ADAM22: variants seen among roughly 807,000 people sequenced by gnomAD.
The protein encoded by ADAM22 is ADAM metallopeptidase domain 22, also known as disintegrin and metalloproteinase domain-containing protein 22.
In ADAM22, 65 loss-of-function variants were observed where a neutral mutation model predicts 144.6. The observed-to-expected ratio is 0.45, with a 90% CI of 0.37 to 0.55. The LOEUF (loss-of-function observed/expected upper bound fraction) is 0.55, where lower values mean the gene tolerates loss of function less well. Among genes scored for constraint, ADAM22 ranks in the 20% least tolerant of loss-of-function variants. The probability of loss-of-function intolerance (pLI) is 0.00; values close to 1 mark genes in which losing one functional copy is unlikely to be tolerated. For synonymous variants in ADAM22, 391 were observed against 412.6 expected (o/e 0.95, Z 0.63); for missense variants, 974 against 1,184.9 (o/e 0.82, Z 2.61).
At chr7:88,181,450 C>T in intron 27 of ADAM22, 55 bp from the exon 28 acceptor site, 1 of 1,501,748 alleles carries the variant, frequency 6.7e-7, no homozygotes, top group Non-Finnish European at 9.2e-7. Context: ...TTACTGATCT[C>T]AAAACATTCA....
intron 7 of ADAM22, among the ~76,000 whole-genome samples, chr7:88,120,925 T>C (rs1003559504): frequency 5.3e-5 from 8 of 152,210 alleles, no homozygotes; most frequent in Non-Finnish European, 1.2e-4. Context: ...CCTCTTCAAA[T>C]TACTTTTTGT....
intron 26 of ADAM22, among the ~76,000 whole-genome samples, chr7:88,175,467 A>G (rs749254016): frequency 1.3e-5 from 2 of 152,224 alleles, no homozygotes; most frequent in African/African-American, 2.4e-5. Flanking sequence ...ATGAAATGCC[A>G]AAGTTGTACA....
intron 30 of ADAM22, among the ~76,000 whole-genome samples, chr7:88,188,401 C>T (rs1848834151): frequency 6.6e-6 from 1 of 152,060 alleles, no homozygotes; most frequent in African/African-American, 2.4e-5. Flanking sequence ...GCTTCAGCAC[C>T]CCTGATTGCA....
At chr7:88,073,810 C>T (rs144743501) in intron 3 of ADAM22, among the ~76,000 whole-genome samples, 192 of 152,290 alleles carry the variant, frequency 1.3e-3, no homozygotes, top group African/African-American at 4.3e-3. Flanking sequence ...AGATAGCAGT[C>T]GTCCCAAGCT....
At chr7:88,141,826 C>T (rs905498087) in intron 14 of ADAM22, among the ~76,000 whole-genome samples, 1 of 151,960 alleles carries the variant, frequency 6.6e-6, no homozygotes, top group South Asian at 2.1e-4. Context: ...GTTATGCTTT[C>T]GTTATATCCT....
chr7:88,115,080 T>C (rs1248967900), intron 6 of ADAM22, among the ~76,000 whole-genome samples: 16 of 151,786 alleles, frequency 1.1e-4, no homozygotes. Flanking sequence ...ACCCCGTCTC[T>C]ACTAAAATAC....
intron 3 of ADAM22, among the ~76,000 whole-genome samples, chr7:88,039,992 C>T (rs1263431195): frequency 6.6e-6 from 1 of 151,968 alleles, no homozygotes; most frequent in African/African-American, 2.4e-5. Flanking sequence ...CCACTCATCA[C>T]AGTTCAACCC....
chr7:88,190,348 AT>A (rs1849342528), intron 30 of ADAM22, among the ~76,000 whole-genome samples: 1 of 152,080 alleles, frequency 6.6e-6, no homozygotes. Flanking sequence ...CAGCCTGGCC[AT>A]CATGGTGAGA....
intron 4 of ADAM22, among the ~76,000 whole-genome samples, chr7:88,107,481 A>G (rs1420964559): frequency 6.6e-6 from 1 of 152,180 alleles, no homozygotes; most frequent in Non-Finnish European, 1.5e-5. Flanking sequence ...GATTAGAGGC[A>G]TGAGCCACTG....
chr7:88,066,865 G>A (rs149729768), intron 3 of ADAM22, among the ~76,000 whole-genome samples: 188 of 152,252 alleles, frequency 1.2e-3, no homozygotes, highest in African/African-American at 4.3e-3. Context: ...CATCAAGTAA[G>A]ATTAAGACTA....
chr7:87,935,861 T>A (rs1841127817), intron 2 of ADAM22, among the ~76,000 whole-genome samples: 1 of 152,228 alleles, frequency 6.6e-6, no homozygotes, highest in Non-Finnish European at 1.5e-5. Context: ...TGTATTTAAA[T>A]CAAGATCACA....
chr7:87,990,484 A>G (rs1267504297), intron 3 of ADAM22, among the ~76,000 whole-genome samples: 2 of 152,208 alleles, frequency 1.3e-5, no homozygotes, highest in African/African-American at 4.8e-5. Flanking sequence ...AATTATTAAG[A>G]TAACTCTACC....
intron 3 of ADAM22, among the ~76,000 whole-genome samples, chr7:88,072,023 T>G (rs886373600): frequency 6.6e-6 from 1 of 152,186 alleles, no homozygotes; most frequent in Non-Finnish European, 1.5e-5. Context: ...TTAACTTAGG[T>G]TCTAACTTGA....
intron 4 of ADAM22, among the ~76,000 whole-genome samples, chr7:88,082,626 C>T (rs181835511): frequency 9.9e-4 from 150 of 152,142 alleles, no homozygotes; most frequent in African/African-American, 3.4e-3. Flanking sequence ...ACAATGTACT[C>T]AAACAAATTT....
intron 7 of ADAM22, among the ~76,000 whole-genome samples, chr7:88,123,408 A>C (rs1220243641): frequency 6.6e-6 from 1 of 152,076 alleles, no homozygotes; most frequent in African/African-American, 2.4e-5. Flanking sequence ...TTAATTAAGA[A>C]TTAAAGTTAT....
intron 3 of ADAM22, among the ~76,000 whole-genome samples, chr7:88,073,955 A>C (rs756404960): frequency 2.0e-5 from 3 of 152,244 alleles, no homozygotes; most frequent in Non-Finnish European, 4.4e-5. Flanking sequence ...GGAGCAGGAA[A>C]GAGTATCAGC....
At chr7:88,136,508 T>C (rs1833004342) in intron 14 of ADAM22, among the ~76,000 whole-genome samples, 1 of 152,112 alleles carries the variant, frequency 6.6e-6, no homozygotes, top group Non-Finnish European at 1.5e-5. Flanking sequence ...GGAAGAGAAA[T>C]GTACAATCTG....
At chr7:88,035,787 A>G (rs556209420) in intron 3 of ADAM22, among the ~76,000 whole-genome samples, 3 of 152,198 alleles carry the variant, frequency 2.0e-5, no homozygotes, top group Non-Finnish European at 4.4e-5. Flanking sequence ...GTATCTGCTC[A>G]GGGTCCTGGA....
intron 3 of ADAM22, among the ~76,000 whole-genome samples, chr7:88,072,881 G>C (rs181094796): frequency 6.6e-6 from 1 of 152,156 alleles, no homozygotes. Context: ...GGGTAAACAG[G>C]GTGTGATGTG....
Sources: allele counts gnomAD v4.1 joint callset (sites outside exome capture counted in the v4.1 genomes callset), GRCh38; gene constraint gnomAD v4.1.1; transcripts MANE v1.5; gene names NCBI Gene and HGNC (gene_info 2026-07-23, HGNC 2026-07-21).